The following IPO11 variants were observed in gnomAD, a reference collection of about 807,000 sequenced individuals.
IPO11 encodes the protein importin-11.
Under a neutral mutation model 143.2 loss-of-function variants are expected in IPO11, and 66 were observed. That is an observed-to-expected ratio of 0.46 (90% CI 0.38 to 0.57). The LOEUF (loss-of-function observed/expected upper bound fraction) is 0.57. IPO11 is among the 20% of genes least tolerant of loss of function. IPO11 has a pLI of 0.00. For missense variants in IPO11, 1,026 were observed against 1,141.0 expected, an observed-to-expected ratio of 0.90 and a Z score of 1.45; for synonymous variants, 385 against 377.8, an observed-to-expected ratio of 1.02 and a Z score of -0.22.
intron 7 of IPO11, among the ~76,000 whole-genome samples, chr5:62,472,045 T>A (rs902321405): frequency 6.6e-6 from 1 of 152,234 alleles, no homozygotes; most frequent in Non-Finnish European, 1.5e-5. Flanking sequence ...AAAAAAGATT[T>A]TCGAGAAACC....
rs1744539232 is a variant in IPO11 at position 62,581,076 on chromosome 5, C to A, written c.2583-10501C>A. On this transcript the variant is annotated intron_variant, in intron 27 of 29. Transcript: ENST00000325324. ...CTTGTGTTTTAATCATTTTTTTGAT[C>A]TACAAAGTTGTTCAGTTTAAACAAA... The A allele has an allele frequency of 4.5e-6, 7 of 1,549,110 alleles. No individual in the cohort carries two copies. The East Asian group carries it at 1.5e-4, about 32-fold the overall frequency.
intron 29 of IPO11, among the ~76,000 whole-genome samples, chr5:62,611,823 T>C (rs186940052): frequency 3.7e-4 from 56 of 152,256 alleles, no homozygotes; most frequent in African/African-American, 1.3e-3. Flanking sequence ...TTTTCCTATT[T>C]CCTGTTTTTC....
At chr5:62,446,661 A>G (rs1391124686) in intron 3 of IPO11, among the ~76,000 whole-genome samples, 1 of 152,198 alleles carries the variant, frequency 6.6e-6, no homozygotes, top group Non-Finnish European at 1.5e-5. Flanking sequence ...TTTGTCAAAT[A>G]TACGTATTAC....
intron 20 of IPO11, among the ~76,000 whole-genome samples, chr5:62,517,638 G>A (rs1203461532): frequency 6.6e-6 from 1 of 152,138 alleles, no homozygotes; most frequent in African/African-American, 2.4e-5. Flanking sequence ...GCCGACCTCA[G>A]GTGATTTGCT....
chr5:62,493,576 T>G (rs1741023413), intron 15 of IPO11, among the ~76,000 whole-genome samples: 1 of 152,132 alleles, frequency 6.6e-6, no homozygotes, highest in South Asian at 2.1e-4. Context: ...TTTAAGCTTT[T>G]TTTTTTTTTT....
chr5:62,416,027 TG>T (rs760995307), intron 1 of IPO11, among the ~76,000 whole-genome samples: 1 of 151,916 alleles, frequency 6.6e-6, no homozygotes, highest in Non-Finnish European at 1.5e-5. Context: ...TTCTGGAGAG[TG>T]GAAGTCTAAG....
At chr5:62,520,255 T>G (rs1742159385) in intron 20 of IPO11, among the ~76,000 whole-genome samples, 1 of 152,242 alleles carries the variant, frequency 6.6e-6, no homozygotes, top group Non-Finnish European at 1.5e-5. Flanking sequence ...AGTGATCATC[T>G]TAGATTTCTG....
intron 2 of IPO11, among the ~76,000 whole-genome samples, chr5:62,437,946 T>G (rs1173520165): frequency 6.6e-6 from 1 of 152,256 alleles, no homozygotes; most frequent in African/African-American, 2.4e-5. Context: ...GAGTTCAAAG[T>G]TTTTGACTAA....
chr5:62,417,246 C>G (rs1052052443), intron 1 of IPO11, among the ~76,000 whole-genome samples: 2 of 151,330 alleles, frequency 1.3e-5, no homozygotes, highest in Middle Eastern at 3.4e-3. Context: ...GTGTGTGCCA[C>G]CATGCCCAGC....
At chr5:62,580,479 G>GT (rs1381424849) in intron 27 of IPO11, 5 of 1,551,318 alleles carry the variant, frequency 3.2e-6, no homozygotes, top group Non-Finnish European at 4.4e-6. Flanking sequence ...TCCTTAAGCC[G>GT]TTGTCTTCAT....
At chr5:62,474,610 G>A in intron 8 of IPO11, 146 bp downstream of exon 8, 1 of 631,844 alleles carries the variant, frequency 1.6e-6, no homozygotes, top group African/African-American at 1.9e-5. Context: ...TCTAGAGAAA[G>A]TGTCTTGTCC....
At chr5:62,565,850 A>G (rs948984107) in intron 27 of IPO11, among the ~76,000 whole-genome samples, 2 of 148,594 alleles carry the variant, frequency 1.3e-5, no homozygotes, top group Non-Finnish European at 3.0e-5. Context: ...TCATTGTTCA[A>G]CTCCCACTTA....
At chr5:62,521,220 TTC>T (rs1676373552) in intron 20 of IPO11, among the ~76,000 whole-genome samples, 1 of 152,236 alleles carries the variant, frequency 6.6e-6, no homozygotes, top group East Asian at 1.9e-4. Flanking sequence ...TACATTCTTT[TTC>T]TGATGGCAGC....
At chr5:62,573,199 C>G (rs1006933107) in intron 27 of IPO11, among the ~76,000 whole-genome samples, 8 of 151,984 alleles carry the variant, frequency 5.3e-5, no homozygotes, top group Non-Finnish European at 1.2e-4. Context: ...AAGCTTTACT[C>G]TTAATTTCTC....
At chr5:62,444,483 A>G (rs1744639175) in intron 3 of IPO11, among the ~76,000 whole-genome samples, 1 of 152,188 alleles carries the variant, frequency 6.6e-6, no homozygotes, top group Non-Finnish European at 1.5e-5. Flanking sequence ...TTTATAGGCA[A>G]TGGCCCAGCA....
At chr5:62,455,755 ATTC>A (rs1222323836) in intron 5 of IPO11, among the ~76,000 whole-genome samples, 4 of 151,826 alleles carry the variant, frequency 2.6e-5, no homozygotes, top group African/African-American at 7.3e-5. Flanking sequence ...ACAAAAAGGA[ATTC>A]TTTTTTTTTT....
intron 22 of IPO11, among the ~76,000 whole-genome samples, chr5:62,533,035 A>G (rs971385746): frequency 6.6e-6 from 1 of 152,212 alleles, no homozygotes; most frequent in South Asian, 2.1e-4. Context: ...TCAAACAAAA[A>G]AGATAAACAT....
chr5:62,512,793 C>A (rs255389), intron 19 of IPO11, among the ~76,000 whole-genome samples: 102,989 of 145,946 alleles, frequency 0.71, 34,296 homozygotes, highest in African/African-American at 0.77. Flanking sequence ...ACTCTTAACG[C>A]GCATGCTGCC....
intron 19 of IPO11, among the ~76,000 whole-genome samples, chr5:62,506,867 CGTT>C (rs1561339843): frequency 6.6e-6 from 1 of 152,122 alleles, no homozygotes; most frequent in East Asian, 1.9e-4. Context: ...CTGTAATTAT[CGTT>C]GTGACTTCCT....
Sources: allele counts gnomAD v4.1 joint callset (sites outside exome capture counted in the v4.1 genomes callset), GRCh38; gene constraint gnomAD v4.1.1; transcripts MANE v1.5; gene names NCBI Gene and HGNC (gene_info 2026-07-23, HGNC 2026-07-21).